GDA: variants seen among roughly 807,000 people sequenced by gnomAD.
GDA encodes the protein cytoplasmic PSD-95 interactor.
Under a neutral mutation model 59.6 loss-of-function variants are expected in GDA, and 18 were observed. The ratio of observed to expected loss-of-function variants is 0.30; its 90% CI spans 0.21 to 0.45. GDA has a LOEUF of 0.45. Among genes scored for constraint, GDA ranks in the 20% least tolerant of loss-of-function variants. The pLI is 1.00. For missense variants in GDA, 427 were observed against 552.3 expected (o/e 0.77, Z 2.27); for synonymous variants, 201 against 201.1 (o/e 1.00, Z 0.00).
chr9:72,125,418 C>T (rs1490246903), intron 1 of GDA, among the ~76,000 whole-genome samples: 7 of 146,470 alleles, frequency 4.8e-5, no homozygotes, highest in African/African-American at 1.2e-4. Context: ...TGCAGTGGCA[C>T]GATCACGACA....
chr9:72,125,950 T>C (rs1021534262), intron 1 of GDA, among the ~76,000 whole-genome samples: 1 of 152,196 alleles, frequency 6.6e-6, no homozygotes, highest in Non-Finnish European at 1.5e-5. Flanking sequence ...AGAGTCTCGC[T>C]CTGTTGCCCA....
At position 72,245,282 on chromosome 9, in the gene GDA, A is replaced by G. The variant is rs1840027600; in HGVS notation, c.1266+4A>G. 6 of 1,600,156 alleles carry G rather than the reference A, an allele frequency of 3.7e-6. No individual in the cohort carries two copies. The highest frequency in any genetic ancestry group is 5.1e-6 in the Non-Finnish European group (6 of 1,167,766). On this transcript the variant is annotated splice_donor_region_variant and intron_variant, in intron 12 of 13. Transcript: ENST00000358399. ...CTTTTTTGGTGATATTTCTGAGGTA[A>G]GTAAAAGAAAGTTAATCAAAAGGCA...
intron 2 of GDA, among the ~76,000 whole-genome samples, chr9:72,199,331 C>G (rs1220819577): frequency 6.6e-6 from 1 of 152,090 alleles, no homozygotes; most frequent in South Asian, 2.1e-4. Context: ...TATTAATAAT[C>G]ATTTCACGAT....
At chr9:72,127,803 G>C (rs1295292080) in intron 1 of GDA, among the ~76,000 whole-genome samples, 1 of 152,154 alleles carries the variant, frequency 6.6e-6, no homozygotes, top group Non-Finnish European at 1.5e-5. Context: ...ACTGGGCACT[G>C]GCTCTACTCT....
intron 1 of GDA, among the ~76,000 whole-genome samples, chr9:72,169,954 C>A (rs117928940): frequency 5.9e-5 from 9 of 152,184 alleles, no homozygotes; most frequent in Non-Finnish European, 1.0e-4. Context: ...GATAATGGTC[C>A]TCTGTATCTA....
intron 1 of GDA, among the ~76,000 whole-genome samples, chr9:72,115,458 C>T (rs1219044623): frequency 1.3e-5 from 2 of 152,136 alleles, no homozygotes; most frequent in African/African-American, 2.4e-5. Context: ...ACTTTTTGAA[C>T]GTAGACTTCT....
chr9:72,252,559 A>G (rs890200640), downstream of GDA, among the ~76,000 whole-genome samples: 1 of 152,218 alleles, frequency 6.6e-6, no homozygotes, highest in East Asian at 1.9e-4. Flanking sequence ...GTGCATGTGT[A>G]TTTAAAACAA....
chr9:72,217,586 A>G (rs1471545632), intron 5 of GDA, among the ~76,000 whole-genome samples: 2 of 152,236 alleles, frequency 1.3e-5, no homozygotes, highest in African/African-American at 2.4e-5. Flanking sequence ...TAAAGCCTGC[A>G]GGAACTTGCT....
chr9:72,198,487 C>T (rs949996664), intron 2 of GDA, among the ~76,000 whole-genome samples: 39 of 148,624 alleles, frequency 2.6e-4, no homozygotes, highest in South Asian at 8.5e-4. Context: ...TGCAGTGAGC[C>T]GAGATCGCAC....
chr9:72,192,556 A>G (rs1407193027), intron 1 of GDA, among the ~76,000 whole-genome samples: 2 of 150,564 alleles, frequency 1.3e-5, no homozygotes, highest in African/African-American at 4.9e-5. Context: ...CAAGCTCACA[A>G]ATTTTTTCTT....
Position 72,149,495 on chromosome 9 carries a change from C to T in GDA, c.-65C>T. 1 of 1,583,652 alleles carries T rather than the reference C, an allele frequency of 6.3e-7. No homozygotes were observed. Among genetic ancestry groups the T allele is most frequent in the Non-Finnish European group, 8.6e-7 (1 of 1,167,060 alleles). Reference sequence around the variant, plus strand: ...CAGCCGCCCGCAGCTGCAGAGAGTCCCGCTGCGTCTCCGCCGCGTGCGCCC... The same window carrying T: ...CAGCCGCCCGCAGCTGCAGAGAGTCTCGCTGCGTCTCCGCCGCGTGCGCCC... On this transcript the variant is annotated 5_prime_UTR_variant, in exon 1 of 14. Transcript: ENST00000358399.
intron 1 of GDA, among the ~76,000 whole-genome samples, chr9:72,133,308 A>AAATAATAATAATAATAATAAT (rs1554722433): frequency 3.0e-5 from 3 of 101,564 alleles, no homozygotes; most frequent in South Asian, 3.4e-4. Flanking sequence ...AAAAAAAAAA[A>AAATAATAATAATAATAATAAT]AATAATAATA....
chr9:72,207,029 T>A (rs1031398558), intron 3 of GDA, among the ~76,000 whole-genome samples: 2 of 152,188 alleles, frequency 1.3e-5, no homozygotes, highest in Non-Finnish European at 2.9e-5. Flanking sequence ...TGTGCTGACA[T>A]CAATGTGATT....
chr9:72,179,458 G>A (rs986736485), intron 1 of GDA, among the ~76,000 whole-genome samples: 1 of 152,156 alleles, frequency 6.6e-6, no homozygotes, highest in Admixed American at 6.5e-5. Flanking sequence ...ATTGGCTCTT[G>A]TTCACAGAGC....
chr9:72,204,598 C>T (rs1201008874), intron 3 of GDA, among the ~76,000 whole-genome samples: 3 of 152,170 alleles, frequency 2.0e-5, no homozygotes, highest in South Asian at 2.1e-4. Context: ...ATGCTTCATA[C>T]TGAAACTTAA....
At chr9:72,253,994 C>T (rs1347909354), downstream of GDA, among the ~76,000 whole-genome samples, 1 of 151,962 alleles carries the variant, frequency 6.6e-6, no homozygotes, top group Admixed American at 6.6e-5. Flanking sequence ...AGTAGCAAAA[C>T]AGGACTTGTG....
intron 6 of GDA, among the ~76,000 whole-genome samples, chr9:72,220,166 G>A (rs1425359061): frequency 6.6e-6 from 1 of 152,104 alleles, no homozygotes; most frequent in Non-Finnish European, 1.5e-5. Context: ...ATTACAATAA[G>A]TGAAATAAGC....
intron 2 of GDA, among the ~76,000 whole-genome samples, chr9:72,201,656 G>C (rs900694980): frequency 6.6e-6 from 1 of 152,158 alleles, no homozygotes; most frequent in African/African-American, 2.4e-5. Flanking sequence ...CTAGGATAAT[G>C]GTGGCAGTAG....
intron 1 of GDA, among the ~76,000 whole-genome samples, chr9:72,188,284 G>A (rs1454573043): frequency 6.6e-6 from 1 of 152,190 alleles, no homozygotes. Context: ...AGGCTGCCCT[G>A]CTCATCACAG....
Sources: allele counts gnomAD v4.1 joint callset (sites outside exome capture counted in the v4.1 genomes callset), GRCh38; gene constraint gnomAD v4.1.1; transcripts MANE v1.5; gene names NCBI Gene and HGNC (gene_info 2026-07-23, HGNC 2026-07-21).